NALF1: variants seen among roughly 807,000 people sequenced by gnomAD.
NALF1 encodes the protein NALCN channel auxiliary factor 1, also known as family with sequence similarity 155 member A.
In NALF1, 3 loss-of-function variants were observed where a neutral mutation model predicts 48.4. That is an observed-to-expected ratio of 0.06 (90% CI 0.03 to 0.16). The LOEUF is 0.16. Ranked by LOEUF, NALF1 falls within the 10% of genes least tolerant of loss-of-function variation. The probability of loss-of-function intolerance (pLI) is 1.00; values close to 1 mark genes in which losing one functional copy is unlikely to be tolerated. For missense variants in NALF1, 526 were observed against 571.5 expected (o/e 0.92, Z 0.81); for synonymous variants, 262 against 245.7 (o/e 1.07, Z -0.62).
At position 107,528,162 on chromosome 13, in the gene NALF1, T is replaced by A. The variant is rs914717860; in HGVS notation, c.916-317407A>T. Among the ~76,000 whole-genome samples the A allele has an allele frequency of 2.0e-5, 3 of 152,118 alleles. 1 individual carries two copies. In the South Asian group the frequency reaches 6.2e-4, roughly 31 times the overall value. The stretch of plus-strand genomic sequence containing the variant: ...TGGTCTCTGCAATTAATCTGGACAG[T>A]AATACCATAATCTGCATGTTGGTAA... On this transcript the variant is annotated intron_variant, in intron 1 of 2. Coordinates refer to ENST00000375915, the MANE Select transcript of NALF1 (RefSeq NM_001080396.3).
intron 1 of NALF1, among the ~76,000 whole-genome samples, chr13:107,638,187 T>TTATATATATATA: frequency 1.9e-5 from 1 of 53,084 alleles, no homozygotes. Context: ...ATATAAAGAT[T>TTATATATATATA]TATATATATA....
intron 1 of NALF1, among the ~76,000 whole-genome samples, chr13:107,308,350 C>T (rs1045369097): frequency 2.6e-5 from 4 of 151,666 alleles, no homozygotes; most frequent in Non-Finnish European, 4.4e-5. Flanking sequence ...TAAAGGTACC[C>T]GCCACCACGC....
intron 1 of NALF1, among the ~76,000 whole-genome samples, chr13:107,429,421 C>T (rs899653219): frequency 2.0e-5 from 3 of 151,460 alleles, no homozygotes; most frequent in African/African-American, 4.9e-5. Context: ...GGGAAAGCAC[C>T]AATCGCTAAA....
In NALF1 at chr13:107,267,729, G is replaced by A. The variant is rs140952917; in HGVS notation, c.916-56974C>T. Among the ~76,000 whole-genome samples, 694 of 152,264 alleles carry A rather than the reference G, an allele frequency of 4.6e-3. 5 individuals are homozygous for A. Among genetic ancestry groups the A allele is most frequent in the Admixed American group, 5.2e-3 (80 of 15,296 alleles). ...GTAGAACAATTATAACAATATGCCA[G>A]CCTCACTCCACCCTTGTGCTTTGGG... On this transcript the variant is annotated intron_variant, in intron 1 of 2. Transcript: ENST00000375915.
At chr13:107,298,518 G>A (rs988050480) in intron 1 of NALF1, among the ~76,000 whole-genome samples, 1 of 151,514 alleles carries the variant, frequency 6.6e-6, no homozygotes, top group African/African-American at 2.4e-5. Flanking sequence ...TATAACCTCC[G>A]CCTCCCGGGT....
rs187139023 is a variant in NALF1, at chr13:107,382,205, C to T, written c.916-171450G>A. On this transcript the variant is annotated intron_variant, in intron 1 of 2. Transcript: ENST00000375915. Reference sequence around the variant, plus strand: ...TGTGAATCCACTGTAACACCATGACCCAGTTGCTATATAAATGATATGTAC... The same window carrying T: ...TGTGAATCCACTGTAACACCATGACTCAGTTGCTATATAAATGATATGTAC... Among the ~76,000 whole-genome samples the T allele has an allele frequency of 1.6e-4, 25 of 152,176 alleles. No individual in the cohort carries two copies. The East Asian group carries it at 3.3e-3, about 20-fold the overall frequency.
rs184062034 is a variant in NALF1, at chr13:107,496,331, T to A, written c.916-285576A>T. On this transcript the variant is annotated intron_variant, in intron 1 of 2. Coordinates refer to ENST00000375915, the MANE Select transcript of NALF1 (RefSeq NM_001080396.3). ...TGGTCTCCCAAAACAAGCCTGTAGA[T>A]ACAAAGTAAATGGAAATTTTTGGAG... 3.0e-3 allele frequency among the ~76,000 whole-genome samples: 451 copies of A among 152,306 alleles called. 1 individual carries two copies. Among genetic ancestry groups the A allele is most frequent in the Non-Finnish European group, 4.6e-3 (316 of 68,028 alleles).
chr13:107,845,881 AG>A lies in NALF1; in HGVS notation c.915+19800del, dbSNP rs554589313. On this transcript the variant is annotated intron_variant, in intron 1 of 2. Coordinates refer to ENST00000375915, the MANE Select transcript of NALF1 (RefSeq NM_001080396.3). ...ATTATTTGTAACTCTTTCCTGAGAAAGGACAGCTTGAAACCTGGAAGATAAT... is the reference window on the plus strand; with the variant it reads ...ATTATTTGTAACTCTTTCCTGAGAAAGACAGCTTGAAACCTGGAAGATAAT... Among the ~76,000 whole-genome samples, 312 of 152,310 alleles carry A rather than the reference AG, an allele frequency of 2.0e-3. 2 individuals carry two copies. The highest frequency in any genetic ancestry group is 6.8e-3 in the Middle Eastern group (2 of 294).
intron 1 of NALF1, among the ~76,000 whole-genome samples, chr13:107,494,753 C>A (rs79962869): frequency 3.9e-5 from 6 of 152,246 alleles, no homozygotes; most frequent in African/African-American, 1.2e-4. Context: ...ATGGGAATGA[C>A]CCAGATATCT....
chr13:107,235,588 T>C (rs1268626457), intron 1 of NALF1, among the ~76,000 whole-genome samples: 1 of 152,222 alleles, frequency 6.6e-6, no homozygotes, highest in African/African-American at 2.4e-5. Context: ...AATAGTTTAC[T>C]GTGTTGTTTA....
At chr13:107,802,280 A>G (rs1878643163) in intron 1 of NALF1, among the ~76,000 whole-genome samples, 1 of 152,054 alleles carries the variant, frequency 6.6e-6, no homozygotes, top group Non-Finnish European at 1.5e-5. Flanking sequence ...ATACCTCTAG[A>G]AAAATATTTT....
intron 1 of NALF1, among the ~76,000 whole-genome samples, chr13:107,219,687 G>A (rs899134332): frequency 2.0e-5 from 3 of 152,044 alleles, no homozygotes; most frequent in Non-Finnish European, 2.9e-5. Context: ...TAATACCAAC[G>A]CACTGAGTAG....
chr13:107,722,448 C>T (rs1385154417), intron 1 of NALF1, among the ~76,000 whole-genome samples: 1 of 152,098 alleles, frequency 6.6e-6, no homozygotes, highest in Non-Finnish European at 1.5e-5. Flanking sequence ...AATGAGGAGC[C>T]TCAGGTACTT....
intron 1 of NALF1, among the ~76,000 whole-genome samples, chr13:107,802,212 C>A (rs973688425): frequency 6.6e-6 from 1 of 152,086 alleles, no homozygotes; most frequent in Non-Finnish European, 1.5e-5. Context: ...GTAAGACTCT[C>A]CCTATATTTT....
Position 107,228,958 on chromosome 13 carries a change from G to C in NALF1, c.916-18203C>G, listed in dbSNP as rs376574831. On this transcript the variant is annotated intron_variant, in intron 1 of 2. Transcript: ENST00000375915. Reference sequence around the variant, plus strand: ...CTCTTGATTGATGATGCTTCTGCTTGTCTGCATGAAAAACCCTCCATTTCA... The same window carrying C: ...CTCTTGATTGATGATGCTTCTGCTTCTCTGCATGAAAAACCCTCCATTTCA... Among the ~76,000 whole-genome samples, 4 of 151,920 alleles carry C rather than the reference G, an allele frequency of 2.6e-5. 1 individual carries two copies.
intron 2 of NALF1, among the ~76,000 whole-genome samples, chr13:107,192,915 A>G (rs528118934): frequency 3.3e-4 from 50 of 152,292 alleles, no homozygotes; most frequent in African/African-American, 1.1e-3. Flanking sequence ...AATGAAATCA[A>G]TAGTAAGTAC....
intron 1 of NALF1, chr13:107,835,443 T>C (rs1879861890): frequency 6.6e-6 from 1 of 152,176 alleles, no homozygotes; most frequent in African/African-American, 2.4e-5. Context: ...GCCACTCCTC[T>C]GAAAGCAGGA....
At chr13:107,627,899 G>C (rs1168194903) in intron 1 of NALF1, among the ~76,000 whole-genome samples, 1 of 151,934 alleles carries the variant, frequency 6.6e-6, no homozygotes, top group Non-Finnish European at 1.5e-5. Context: ...GCCTTGTAAA[G>C]GTTTCTGCCT....
At chr13:107,458,620 C>T (rs916228146) in intron 1 of NALF1, among the ~76,000 whole-genome samples, 2 of 152,108 alleles carry the variant, frequency 1.3e-5, no homozygotes, top group Non-Finnish European at 2.9e-5. Flanking sequence ...AGACGCACAA[C>T]GTTTAACAAA....
Sources: gnomAD v4.1 joint callset for allele counts (sites outside exome capture counted in the v4.1 genomes callset) on GRCh38, gnomAD v4.1.1 for gene constraint, MANE v1.5 for transcripts, NCBI Gene and HGNC (gene_info 2026-07-23, HGNC 2026-07-21) for gene names.